TRIM10: variants seen among roughly 807,000 people sequenced by gnomAD.
The protein encoded by TRIM10 is tripartite motif-containing protein 10.
Under a neutral mutation model 40.0 loss-of-function variants are expected in TRIM10, and 42 were observed. That is an observed-to-expected ratio of 1.05 (90% confidence interval 0.82 to 1.36). The LOEUF is 1.36. TRIM10 is among the 40% of genes most tolerant of loss of function. TRIM10 has a pLI of 0.00. For synonymous variants in TRIM10, 260 were observed against 239.5 expected, an observed-to-expected ratio of 1.09 and a Z score of -0.79; for missense variants, 601 against 608.3, an observed-to-expected ratio of 0.99 and a Z score of 0.13.
chr6:30,161,933 G>A (rs1259761132), upstream of TRIM10, among the ~76,000 whole-genome samples: 2 of 152,140 alleles, frequency 1.3e-5, no homozygotes, highest in Non-Finnish European at 2.9e-5. Flanking sequence ...CATATAAAAA[G>A]TCATTAATAA....
intron 3 of TRIM10, among the ~76,000 whole-genome samples, chr6:30,157,663 T>TC (rs1490915339): frequency 5.8e-4 from 83 of 143,276 alleles, no homozygotes; most frequent in African/African-American, 1.9e-3. Flanking sequence ...TTTTCTTTTT[T>TC]TTTTTTTTTT....
upstream of TRIM10, chr6:30,163,634 A>G: frequency 6.5e-7 from 1 of 1,533,244 alleles, no homozygotes; most frequent in Middle Eastern, 2.0e-4. Context: ...GGGAAAGGGA[A>G]CTCGCGTGGG....
Position 30,154,388 on chromosome 6 carries a change from C to T in TRIM10, c.1027G>A (p.Asp343Asn), listed in dbSNP as rs751435387. The T allele has an allele frequency of 6.2e-7, 1 of 1,612,940 alleles. No homozygotes were observed. Among genetic ancestry groups the T allele is most frequent in the East Asian group, 2.2e-5 (1 of 44,858 alleles). The change falls in exon 7 of 7, where the codon GAC (aspartate) becomes AAC (asparagine). Residue 343 changes from aspartate (D) to asparagine (N), a missense_variant. By Grantham distance (23) the Asp-to-Asn change is conservative. Transcript: ENST00000449742. The part of the protein sequence containing the change: ...QFSYKWQNSP[D>N]NPQRFDRATC... ...GCCCGGTCAAAACGTTGGGGGTTGT[C>T]TGGTGAGTTCTGCCATTTGTAGGAG...
chr6:30,163,690 C>G (rs777093256), upstream of TRIM10: 20 of 1,604,796 alleles, frequency 1.2e-5, no homozygotes, highest in Non-Finnish European at 1.6e-5. Flanking sequence ...CCGTGATGCC[C>G]GCAACCCCGT....
rs141798793 is a variant in TRIM10, at chr6:30,156,437, C to T, written c.895+502G>A. ...CACACCCTACCACCACTCCCTGTTC[C>T]GGAAAAGGAAGTGGAGCACAGTCCC... On this transcript the variant is annotated intron_variant, in intron 5 of 6. Transcript: ENST00000449742. Among the ~76,000 whole-genome samples, 21 of 152,174 alleles carry T rather than the reference C, an allele frequency of 1.4e-4. No individual in the cohort carries two copies. In the East Asian group the frequency reaches 2.5e-3, roughly 18 times the overall value.
chr6:30,161,066 A>G lies in TRIM10; in HGVS notation c.-208T>C. The G allele has an allele frequency of 1.6e-6, 1 of 606,722 alleles. No individual in the cohort carries two copies. Among genetic ancestry groups the G allele is most frequent in the Non-Finnish European group, 2.9e-6 (1 of 348,182 alleles). The allele number at this position is 606,722 out of a possible 1,614,324, so 37.6% of individuals were successfully genotyped here. ...GCCAACAGCAGAGATGGGAAATAGC[A>G]GAGGAGAGGAAGGAAGAGGGGCTCA... is the stretch of plus-strand genomic sequence containing the variant. On this transcript the variant is annotated 5_prime_UTR_variant, in exon 1 of 7. Transcript: ENST00000449742.
rs1354431259 is a variant in TRIM10 at position 30,159,130 on chromosome 6, G to A, written c.525+20C>T. 1.3e-6 allele frequency: 2 copies of A among 1,547,918 alleles called. No individual in the cohort carries two copies. The highest frequency in any genetic ancestry group is 1.8e-6 in the Non-Finnish European group (2 of 1,120,992). On this transcript the variant is annotated intron_variant, in intron 2 of 6. Transcript: ENST00000449742. ...GACCCTGAGGAAGGGGAGGAACCTG[G>A]GGAAGGGGTGATGACTTACCAGGAG... is the stretch of plus-strand genomic sequence containing the variant.
upstream of TRIM10, chr6:30,163,578 T>C: frequency 1.7e-5 from 19 of 1,133,490 alleles, no homozygotes; most frequent in East Asian, 3.4e-5. Context: ...CTCTTAGCCT[T>C]GCAGCCGTTT....
At chr6:30,162,225 A>G (rs563683934), upstream of TRIM10, among the ~76,000 whole-genome samples, 15 of 151,604 alleles carry the variant, frequency 9.9e-5, no homozygotes, top group South Asian at 6.3e-4. Flanking sequence ...GCAGTGAGCC[A>G]AGATCGCGCT....
At chr6:30,158,186 A>G (rs902392922) in intron 3 of TRIM10, among the ~76,000 whole-genome samples, 7 of 152,224 alleles carry the variant, frequency 4.6e-5, no homozygotes, top group Non-Finnish European at 1.0e-4. Context: ...TATTTGGCAG[A>G]TGGTGGGACG....
In TRIM10 at chr6:30,153,925, GAT is replaced by G; in HGVS notation, c.*42_*43del. On this transcript the variant is annotated 3_prime_UTR_variant, in exon 7 of 7. Coordinates refer to ENST00000449742, the MANE Select transcript of TRIM10 (RefSeq NM_006778.4). ...ATCAAGTCCACATGGTACTTGGGTT[GAT>G]ATGAGTCCTGTACTTAGAGGAGAGT... 4.4e-6 allele frequency: 7 copies of G among 1,578,478 alleles called. No individual in the cohort carries two copies. The highest frequency in any genetic ancestry group is 6.0e-6 in the Non-Finnish European group (7 of 1,159,668).
upstream of TRIM10, chr6:30,163,744 G>A (rs1299190887): frequency 8.1e-6 from 13 of 1,612,930 alleles, no homozygotes; most frequent in African/African-American, 1.3e-5. Flanking sequence ...CCCTCTGTGC[G>A]GGGCCGCTGG....
chr6:30,163,275 C>T (rs1263195614), upstream of TRIM10: 1 of 202,850 alleles, frequency 4.9e-6, no homozygotes, highest in East Asian at 1.2e-4. Context: ...TGACAGGAAG[C>T]TTCTGCTCCC....
upstream of TRIM10, among the ~76,000 whole-genome samples, chr6:30,161,824 T>G (rs913136736): frequency 2.0e-5 from 3 of 152,224 alleles, no homozygotes; most frequent in African/African-American, 7.2e-5. Context: ...AATTTCCTAG[T>G]GGCCATATAA....
chr6:30,163,867 A>G (rs1341026041), upstream of TRIM10: 3 of 1,612,868 alleles, frequency 1.9e-6, no homozygotes, highest in African/African-American at 2.7e-5. Context: ...CGCTCTGCCA[A>G]GAGGAGGAGC....
At chr6:30,163,571 T>TG (rs879358810), upstream of TRIM10, 1 of 1,307,636 alleles carries the variant, frequency 7.6e-7, no homozygotes, top group African/African-American at 1.5e-5. Flanking sequence ...TCTCTGTCTC[T>TG]TAGCCTTGCA....
At chr6:30,161,606 T>G (rs1425822638), upstream of TRIM10, among the ~76,000 whole-genome samples, 2 of 152,246 alleles carry the variant, frequency 1.3e-5, no homozygotes. Context: ...TTTAAAAGTA[T>G]GATCTTATTT....
upstream of TRIM10, among the ~76,000 whole-genome samples, chr6:30,161,403 A>G (rs1400720591): frequency 6.6e-6 from 1 of 152,196 alleles, no homozygotes; most frequent in African/African-American, 2.4e-5. Flanking sequence ...TGCACCAGCA[A>G]CTTCAATGGT....
Position 30,157,016 on chromosome 6 carries a change from G to C in TRIM10, c.818C>G (p.Ser273Trp), listed in dbSNP as rs748363733. ...TRKCRKPVAV[S>W]PELGQRIRDF... ...CCGAATCCTCTGGCCCAGCTCTGGC[G>C]ACACAGCCACCGGTTTCCGGCACTT... Residue 273 changes from serine (S) to tryptophan (W), a missense_variant, in exon 5 of 7, where the codon TCG becomes TGG. Physicochemically the swap from Ser to Trp is radical, Grantham distance 177. Coordinates refer to ENST00000449742, the MANE Select transcript of TRIM10 (RefSeq NM_006778.4). The C allele has an allele frequency of 6.2e-7, 1 of 1,612,770 alleles. No individual in the cohort carries two copies. The highest frequency in any genetic ancestry group is 1.3e-5 in the African/African-American group (1 of 74,770).
Sources: gnomAD v4.1 joint callset for allele counts (sites outside exome capture counted in the v4.1 genomes callset) on GRCh38, gnomAD v4.1.1 for gene constraint, MANE v1.5 for transcripts, NCBI Gene and HGNC (gene_info 2026-07-23, HGNC 2026-07-21) for gene names.